The following SGPL1 variants were observed in gnomAD, a reference collection of about 807,000 sequenced individuals.
SGPL1 encodes the protein sphingosine-1-phosphate lyase 1, also known as SP-lyase 1.
SGPL1 carries 37 observed loss-of-function variants against 68.9 expected under a neutral mutation model. That is an observed-to-expected ratio of 0.54 (90% CI 0.41 to 0.71). SGPL1 has a LOEUF of 0.71. SGPL1 is among the 30% of genes least tolerant of loss of function. The probability of loss-of-function intolerance (pLI) is 0.00; values close to 1 mark genes in which losing one functional copy is unlikely to be tolerated. For missense variants in SGPL1, 551 were observed against 704.6 expected (o/e 0.78, Z 2.47); for synonymous variants, 236 against 248.5 (o/e 0.95, Z 0.47).
At chr10:70,873,849 A>G (rs367578224) in intron 12 of SGPL1, among the ~76,000 whole-genome samples, 1 of 152,342 alleles carries the variant, frequency 6.6e-6, no homozygotes, top group African/African-American at 2.4e-5. Flanking sequence ...GGATGTCTTA[A>G]TAACTGGCAG....
chr10:70,838,819 G>C (rs1167229539), intron 2 of SGPL1, among the ~76,000 whole-genome samples: 1 of 152,028 alleles, frequency 6.6e-6, no homozygotes, highest in Admixed American at 6.6e-5. Context: ...GAAACTTTTG[G>C]TTTTATATGT....
chr10:70,841,329 G>A (rs368215346), intron 2 of SGPL1, among the ~76,000 whole-genome samples: 15 of 152,246 alleles, frequency 9.9e-5, no homozygotes, highest in East Asian at 5.8e-4. Context: ...TATTGTCTGA[G>A]TCCATTCAGG....
In SGPL1 at chr10:70,876,668, A is replaced by G. The variant is rs764692951; in HGVS notation, c.1566+7A>G. 6.2e-7 allele frequency: 1 copy of G among 1,601,536 alleles called. No individual in the cohort carries two copies. The highest frequency in any genetic ancestry group is 8.5e-7 in the Non-Finnish European group (1 of 1,176,618). ...AGCGAAGACCACAGGAATGGTAGGG[A>G]CACTTGGAGTTTTTTTTCTTCTCTT... On this transcript the variant is annotated splice_region_variant and intron_variant, in intron 14 of 14. Transcript: ENST00000373202.
intron 11 of SGPL1, 83 bp from the exon 12 acceptor site, chr10:70,873,268 C>T: frequency 1.0e-6 from 1 of 974,542 alleles, no homozygotes; most frequent in Non-Finnish European, 1.6e-6. Flanking sequence ...AATAGGATTT[C>T]CTTTGCATGA....
chr10:70,871,174 C>G lies in SGPL1; in HGVS notation c.909+28C>G, dbSNP rs1050697664. 11 of 1,422,928 alleles carry G rather than the reference C, an allele frequency of 7.7e-6. No individual in the cohort carries two copies. The Admixed American group carries it at 1.1e-4, about 15-fold the overall frequency. The allele number at this position is 1,422,928 out of a possible 1,614,324, so 88.1% of individuals were successfully genotyped here. A position where few individuals can be genotyped will look rare whatever the true frequency, so the allele number is the denominator to read the frequency against. On this transcript the variant is annotated intron_variant, in intron 10 of 14. Transcript: ENST00000373202. ...ATATGAGAGAAATGGGCTGCTAAGG[C>G]AGGCAAATGGATATTTTAAAACAAA... is the stretch of plus-strand genomic sequence containing the variant.
chr10:70,872,293 C>T (rs1042001100), intron 11 of SGPL1, among the ~76,000 whole-genome samples: 2 of 152,130 alleles, frequency 1.3e-5, no homozygotes, highest in African/African-American at 4.8e-5. Context: ...AAAAAAGCTC[C>T]CTGAAGCCTT....
intron 1 of SGPL1, among the ~76,000 whole-genome samples, chr10:70,816,437 G>C (rs1845230305): frequency 6.6e-6 from 1 of 152,192 alleles, no homozygotes; most frequent in South Asian, 2.1e-4. Context: ...AGGCCGTGCT[G>C]ATTCTGAAGG....
chr10:70,845,189 A>G (rs1845773420), intron 3 of SGPL1, among the ~76,000 whole-genome samples: 1 of 152,134 alleles, frequency 6.6e-6, no homozygotes, highest in African/African-American at 2.4e-5. Flanking sequence ...CCTCAGAATT[A>G]GTCATTGTAA....
intron 3 of SGPL1, among the ~76,000 whole-genome samples, chr10:70,848,872 C>T (rs1314626589): frequency 6.6e-6 from 1 of 152,146 alleles, no homozygotes; most frequent in Non-Finnish European, 1.5e-5. Context: ...GAACTTATTG[C>T]TTCCGTCTAA....
chr10:70,822,903 A>G (rs1845366960), intron 2 of SGPL1, among the ~76,000 whole-genome samples: 1 of 151,686 alleles, frequency 6.6e-6, no homozygotes. Context: ...AGATATGCAG[A>G]TGATATTCAC....
Position 70,881,035 on chromosome 10 carries a change from A to T in SGPL1, c.*3700A>T, listed in dbSNP as rs1846485883. On this transcript the variant is annotated 3_prime_UTR_variant, in exon 15 of 15. Transcript: ENST00000373202. ...GGTAGGCAAAGTCAGATTTTTGAGAACCTTTTTCCTGATTTGAAGTTTTAA... is the reference window on the plus strand; with the variant it reads ...GGTAGGCAAAGTCAGATTTTTGAGATCCTTTTTCCTGATTTGAAGTTTTAA... The T allele has an allele frequency of 2.0e-5, 3 of 151,210 alleles. No individual in the cohort carries two copies. The highest frequency in any genetic ancestry group is 6.6e-5 in the Admixed American group (1 of 15,194). The allele number at this position is 151,210 out of a possible 1,614,324, so 9.4% of individuals were successfully genotyped here.
Position 70,877,265 on chromosome 10 carries a change from T to C in SGPL1, c.1637T>C (p.Leu546Ser). 1 of 1,614,076 alleles carries C rather than the reference T, an allele frequency of 6.2e-7. No individual in the cohort carries two copies. The highest frequency in any genetic ancestry group is 8.5e-7 in the Non-Finnish European group (1 of 1,179,908). Residue 546 changes from leucine (L) to serine (S), a missense_variant, in exon 15 of 15, where the codon TTG (leucine) becomes TCG (serine). Coordinates refer to ENST00000373202, the MANE Select transcript of SGPL1 (RefSeq NM_003901.4). ...GTTGCAGAATTGTCCTCAGTCTTCT[T>C]GGACAGCTTGTACAGCACCGACACT... is the stretch of plus-strand genomic sequence containing the variant. ...NMVAELSSVFLDSLYSTDTVT... is the reference protein window; with the variant it reads ...NMVAELSSVFSDSLYSTDTVT...
At chr10:70,827,344 C>T (rs922121662) in intron 2 of SGPL1, among the ~76,000 whole-genome samples, 2 of 152,126 alleles carry the variant, frequency 1.3e-5, no homozygotes, top group East Asian at 1.9e-4. Context: ...AGTCATATGC[C>T]TTATCAGTTA....
intron 7 of SGPL1, among the ~76,000 whole-genome samples, chr10:70,860,917 T>C (rs571237461): frequency 6.6e-6 from 1 of 152,308 alleles, no homozygotes; most frequent in Non-Finnish European, 1.5e-5. Flanking sequence ...GTAGCTCTTA[T>C]TCAGATTGAT....
chr10:70,827,643 A>G (rs1845460098), intron 2 of SGPL1, among the ~76,000 whole-genome samples: 1 of 152,170 alleles, frequency 6.6e-6, no homozygotes, highest in South Asian at 2.1e-4. Context: ...CCATAAAGTG[A>G]ATGAGTCATT....
rs1020343259 is a variant in SGPL1 at position 70,878,588 on chromosome 10, G to A, written c.*1253G>A. Reference sequence around the variant, plus strand: ...TTCAAATATGTCACCAAAGTTGGTGGTGGTCCTTCCCTGCACCCTTGCGTT... The same window carrying A: ...TTCAAATATGTCACCAAAGTTGGTGATGGTCCTTCCCTGCACCCTTGCGTT... On this transcript the variant is annotated 3_prime_UTR_variant, in exon 15 of 15. Transcript: ENST00000373202. 2 of 152,202 alleles carry A rather than the reference G, an allele frequency of 1.3e-5. No individual in the cohort carries two copies. Among genetic ancestry groups the A allele is most frequent in the African/African-American group, 2.4e-5 (1 of 41,446 alleles). 9.4% of individuals were successfully genotyped at this position (152,202 alleles called of 1,614,324 possible).
chr10:70,857,669 G>A lies in SGPL1; in HGVS notation c.465G>A (p.Lys155=). The change falls in exon 6 of 15, where the codon AAG becomes AAA. Residue 155 remains lysine, a synonymous_variant. Transcript: ENST00000373202. ...ASGTVYSGEE[K]LTELLVKAYG... ...GAACAGTGTACAGTGGGGAGGAGAA[G>A]CTCACTGAGCTCCTTGTGAAGGTGA... The A allele has an allele frequency of 6.2e-7, 1 of 1,612,058 alleles. No homozygotes were observed. Among genetic ancestry groups the A allele is most frequent in the Non-Finnish European group, 8.5e-7 (1 of 1,178,932 alleles).
At chr10:70,870,526 C>T (rs1237636576) in intron 9 of SGPL1, among the ~76,000 whole-genome samples, 1 of 150,872 alleles carries the variant, frequency 6.6e-6, no homozygotes, top group Non-Finnish European at 1.5e-5. Context: ...AAAAAAGACT[C>T]TCACTGTGGT....
At chr10:70,849,084 A>AT (rs1262444586) in intron 3 of SGPL1, among the ~76,000 whole-genome samples, 15 of 151,946 alleles carry the variant, frequency 9.9e-5, no homozygotes, top group Non-Finnish European at 1.5e-5. Flanking sequence ...ACCCTGTACC[A>AT]TTTTTTCTCA....
Sources: allele counts gnomAD v4.1 joint callset (sites outside exome capture counted in the v4.1 genomes callset), GRCh38; gene constraint gnomAD v4.1.1; transcripts MANE v1.5; gene names NCBI Gene and HGNC (gene_info 2026-07-23, HGNC 2026-07-21).